TMPRSS13: variants seen among roughly 807,000 people sequenced by gnomAD.
TMPRSS13 encodes the protein transmembrane protease serine 13.
In TMPRSS13, 50 loss-of-function variants were observed where a neutral mutation model predicts 68.4. The observed-to-expected ratio is 0.73, with a 90% CI of 0.58 to 0.93. The LOEUF (loss-of-function observed/expected upper bound fraction) is 0.93, where lower values mean the gene tolerates loss of function less well. Among genes scored for constraint, TMPRSS13 ranks in the 40% least tolerant of loss-of-function variants. TMPRSS13 has a pLI of 0.00. For synonymous variants in TMPRSS13, 267 were observed against 285.8 expected (o/e 0.93, Z 0.66); for missense variants, 615 against 729.2 (o/e 0.84, Z 1.80).
chr11:117,907,730 T>G, intron 9 of TMPRSS13: 1 of 884,574 alleles, frequency 1.1e-6, no homozygotes, highest in Non-Finnish European at 1.4e-6. Context: ...GCCAGGATGA[T>G]TAGTTGCTCC....
At chr11:117,926,739 A>G (rs2057711332) in intron 1 of TMPRSS13, among the ~76,000 whole-genome samples, 1 of 152,116 alleles carries the variant, frequency 6.6e-6, no homozygotes, top group Non-Finnish European at 1.5e-5. Context: ...CTCAGGGGGG[A>G]ATGTGTCCAA....
At chr11:117,923,423 T>TGATGCCAGG (rs112639647) in intron 1 of TMPRSS13, among the ~76,000 whole-genome samples, 21,497 of 151,860 alleles carry the variant, frequency 0.14, 2,997 homozygotes, top group African/African-American at 0.36. Context: ...GCCCAGCCAG[T>TGATGCCAGG]GAGAGAGGGG....
chr11:117,928,378 A>G (rs2057727344), intron 1 of TMPRSS13, among the ~76,000 whole-genome samples: 1 of 152,224 alleles, frequency 6.6e-6, no homozygotes, highest in South Asian at 2.1e-4. Flanking sequence ...GCAGAAACAC[A>G]TTGGGGGTGC....
At position 117,922,896 on chromosome 11, in the gene TMPRSS13, C is replaced by T. The variant is rs1188421855; in HGVS notation, c.22-4058G>A. Among the ~76,000 whole-genome samples, 1 of 152,230 alleles carries T rather than the reference C, an allele frequency of 6.6e-6. No individual in the cohort carries two copies. On this transcript the variant is annotated intron_variant, in intron 1 of 12. Coordinates refer to ENST00000524993, the MANE Select transcript of TMPRSS13 (RefSeq NM_001077263.3). The surrounding 1 kb of genome is among the most constrained non-coding windows in gnomAD (Gnocchi z 4.2). ...CTTACCATGACATGGAACAGGCCCA[C>T]ACCCCAGGCTGTCACTGCTACCACC...
rs533310928 is a variant in TMPRSS13, at chr11:117,901,096, T to C, written c.*1143A>G. The C allele has an allele frequency of 6.6e-6, 1 of 152,204 alleles. No homozygotes were observed. Among genetic ancestry groups the C allele is most frequent in the Admixed American group, 6.5e-5 (1 of 15,278 alleles). 9.4% of individuals were successfully genotyped at this position (152,204 alleles called of 1,614,324 possible). A position where few individuals can be genotyped will look rare whatever the true frequency, so the allele number is the denominator to read the frequency against. ...TCTCTCCATAGCAGTTTTTATGTCA[T>C]TGCTATGTTTCTGAAACAACTGAGA... On this transcript the variant is annotated 3_prime_UTR_variant, in exon 13 of 13. Coordinates refer to ENST00000524993, the MANE Select transcript of TMPRSS13 (RefSeq NM_001077263.3).
rs190303433 is a variant in TMPRSS13, at chr11:117,909,958, C to T, written c.957G>A (p.Leu319=). 9.9e-5 allele frequency: 159 copies of T among 1,614,008 alleles called. No individual in the cohort carries two copies. The East Asian group carries it at 1.5e-3, about 15-fold the overall frequency. ...YISLQCSHCG[L]RAMTGRIVGG... is the part of the protein sequence containing the mutation. ...CCACGATCCGCCCGGTCATGGCCCT[C>T]AGTCCGCAGTCTGGAGGGAAGGAGT... is the stretch of plus-strand genomic sequence containing the variant. Residue 319 remains leucine, a synonymous_variant, in exon 8 of 13, where the codon CTG becomes CTA. Transcript: ENST00000524993.
rs1420184607 is a variant in TMPRSS13, at chr11:117,918,458, T to C, written c.402A>G (p.Ser134=). 1 of 1,614,144 alleles carries C rather than the reference T, an allele frequency of 6.2e-7. No homozygotes were observed. The highest frequency in any genetic ancestry group is 8.5e-7 in the Non-Finnish European group (1 of 1,180,022). The change falls in exon 2 of 13, where the codon TCA becomes TCG. Residue 134 remains serine, a synonymous_variant. Transcript: ENST00000524993. The part of the protein sequence containing the change: ...ATPVGAVPIR[S]SPARSAPATR... ...TTGCTGGTGCTGACCTGGCAGGAGA[T>C]GATCGGATGGGTACAGCCCCCACTG...
At chr11:117,924,923 T>C (rs947462869) in intron 1 of TMPRSS13, among the ~76,000 whole-genome samples, 1 of 151,968 alleles carries the variant, frequency 6.6e-6, no homozygotes, top group African/African-American at 2.4e-5. Context: ...CAGACTGAAC[T>C]CTGGAAGGGG....
intron 2 of TMPRSS13, 64 bp from the exon 3 acceptor site, chr11:117,917,338 T>C: frequency 7.5e-7 from 1 of 1,336,894 alleles, no homozygotes; most frequent in Non-Finnish European, 1.0e-6. Context: ...ATGGAGAGGG[T>C]GGGGGAAACA....
chr11:117,903,028 C>A, intron 12 of TMPRSS13: 1 of 1,041,662 alleles, frequency 9.6e-7, no homozygotes, highest in Non-Finnish European at 1.2e-6. Flanking sequence ...TAAAGCAAGT[C>A]AAAAAACATA....
intron 1 of TMPRSS13, among the ~76,000 whole-genome samples, chr11:117,921,244 A>C (rs1222663823): frequency 6.6e-6 from 1 of 152,166 alleles, no homozygotes; most frequent in Non-Finnish European, 1.5e-5. Flanking sequence ...CACAGGACCT[A>C]CCTTCGTCTC....
chr11:117,917,120 T>A (rs368635542), intron 3 of TMPRSS13, 50 bp downstream of exon 3: 1 of 1,500,842 alleles, frequency 6.7e-7, no homozygotes, highest in African/African-American at 1.4e-5. Context: ...TGGGTCCCAC[T>A]CTGCCCAGCA....
chr11:117,905,534 A>G, intron 10 of TMPRSS13, 104 bp downstream of exon 10: 1 of 949,272 alleles, frequency 1.1e-6, no homozygotes, highest in Non-Finnish European at 1.6e-6. Context: ...GCTCATCGAC[A>G]TAGGCCTTCA....
chr11:117,911,876 G>C lies in TMPRSS13; in HGVS notation c.810-16C>G. ...CCGGTGAGCACTACAAGGGAGCAGA[G>C]GGGAGAAGAATGAGCCCCCTGGAGA... On this transcript the variant is annotated splice_polypyrimidine_tract_variant and intron_variant, in intron 5 of 12. Transcript: ENST00000524993. 6.2e-7 allele frequency: 1 copy of C among 1,609,950 alleles called. No homozygotes were observed. Among genetic ancestry groups the C allele is most frequent in the Admixed American group, 1.7e-5 (1 of 60,004 alleles).
At chr11:117,917,321 C>T (rs200336224) in intron 2 of TMPRSS13, 47 bp from the exon 3 acceptor site, 84 of 1,467,166 alleles carry the variant, frequency 5.7e-5, no homozygotes, top group African/African-American at 8.3e-5. Context: ...GAGAGGAGTC[C>T]GACGAGATGG....
Position 117,903,721 on chromosome 11 carries a change from C to A in TMPRSS13, c.1611G>T (p.Gln537His). 1 of 1,613,788 alleles carries A rather than the reference C, an allele frequency of 6.2e-7. No individual in the cohort carries two copies. The highest frequency in any genetic ancestry group is 1.1e-5 in the South Asian group (1 of 90,936). Residue 537 changes from glutamine (Q) to histidine (H), a missense_variant, in exon 12 of 13, where the codon CAG becomes CAT. By Grantham distance (24) the Gln-to-His change is conservative (BLOSUM62 0). Transcript: ENST00000524993. ...GVTSWGTGCGQRNKPGVYTKV... is the reference protein window; with the variant it reads ...GVTSWGTGCGHRNKPGVYTKV... ...TGGTGTACACACCAGGTTTGTTTCT[C>A]TGGCCACAGCCTGTGCCCCAGCTGG... is the stretch of plus-strand genomic sequence containing the variant.
Position 117,924,755 on chromosome 11 carries a change from G to C in TMPRSS13, c.21+4532C>G, listed in dbSNP as rs551145155. On this transcript the variant is annotated intron_variant, in intron 1 of 12. Transcript: ENST00000524993. ...TTCACTGTACCTCCAGGTTCCCAAG[G>C]CCCTTTCCTACTCTCCCCCTCCCCG... 2.6e-5 allele frequency among the ~76,000 whole-genome samples: 4 copies of C among 152,152 alleles called. No individual in the cohort carries two copies. In the East Asian group the frequency reaches 7.7e-4, roughly 29 times the overall value.
chr11:117,915,207 G>A lies in TMPRSS13; in HGVS notation c.557-693C>T, dbSNP rs757433692. Among the ~76,000 whole-genome samples, 20 of 152,160 alleles carry A rather than the reference G, an allele frequency of 1.3e-4. No individual in the cohort carries two copies. The highest frequency in any genetic ancestry group is 3.8e-4 in the East Asian group (2 of 5,200). On this transcript the variant is annotated intron_variant, in intron 3 of 12. Transcript: ENST00000524993. This position sits in a 1 kb window ranked among gnomAD's most constrained non-coding sequence, Gnocchi z 4.9. The stretch of plus-strand genomic sequence containing the variant: ...AGCCATATGTGCAAATCTGCTTCAC[G>A]ACTTCCTCCCTCTCTAACAGCAATC...
chr11:117,909,838 C>A lies in TMPRSS13; in HGVS notation c.1077G>T (p.Gln359His). 6.2e-7 allele frequency: 1 copy of A among 1,613,316 alleles called. No individual in the cohort carries two copies. Among genetic ancestry groups the A allele is most frequent in the Non-Finnish European group, 8.5e-7 (1 of 1,179,880 alleles). Residue 359 changes from glutamine (Q) to histidine (H), a missense_variant, in exon 8 of 13, where the codon CAG becomes CAT. Gln to His is a conservative substitution (Grantham distance 24, BLOSUM62 0). Transcript: ENST00000524993. ...HICGGTLIDAQWVLTAAHCFF... is the reference protein window; with the variant it reads ...HICGGTLIDAHWVLTAAHCFF... ...AGCAGTGGGCGGCAGTGAGCACCCA[C>A]TGGGCGTCAATGAGCGTGCCTCCAC...
Sources: gnomAD v4.1 joint callset for allele counts (sites outside exome capture counted in the v4.1 genomes callset) on GRCh38, gnomAD v4.1.1 for gene constraint, Gnocchi (gnomAD v3.1) non-coding constraint, MANE v1.5 for transcripts, NCBI Gene and HGNC (gene_info 2026-07-23, HGNC 2026-07-21) for gene names.